CTNNA3: variants seen among roughly 807,000 people sequenced by gnomAD.
CTNNA3 encodes the protein catenin alpha-3.
CTNNA3 carries 76 observed loss-of-function variants against 95.7 expected under a neutral mutation model. That is an observed-to-expected ratio of 0.79 (90% CI 0.66 to 0.96). The LOEUF (loss-of-function observed/expected upper bound fraction) is 0.96, where lower values mean the gene tolerates loss of function less well. Ranked by LOEUF, CTNNA3 falls within the 40% of genes least tolerant of loss-of-function variation. CTNNA3 has a pLI of 0.00. For synonymous variants in CTNNA3, 431 were observed against 374.4 expected (o/e 1.15, Z -1.74); for missense variants, 1,191 against 1,089.8 (o/e 1.09, Z -1.31).
At chr10:66,295,986 A>G (rs1407330983) in intron 12 of CTNNA3, among the ~76,000 whole-genome samples, 1 of 152,226 alleles carries the variant, frequency 6.6e-6, no homozygotes, top group Non-Finnish European at 1.5e-5. Flanking sequence ...TTCTTAATGC[A>G]GGGGATGCAT....
chr10:67,128,089 T>C (rs949034647), intron 7 of CTNNA3, among the ~76,000 whole-genome samples: 11 of 152,128 alleles, frequency 7.2e-5, no homozygotes, highest in African/African-American at 2.4e-4. Context: ...CTATATCTAA[T>C]TAATGTTCAA....
intron 13 of CTNNA3, among the ~76,000 whole-genome samples, chr10:66,121,991 T>G (rs945970530): frequency 6.6e-6 from 1 of 152,294 alleles, no homozygotes; most frequent in African/African-American, 2.4e-5. Flanking sequence ...AAATACTTAA[T>G]CACATAAATG....
intron 5 of CTNNA3, among the ~76,000 whole-genome samples, chr10:67,493,198 G>T (rs910467421): frequency 6.7e-6 from 1 of 148,310 alleles, no homozygotes; most frequent in African/African-American, 2.5e-5. Context: ...GCTTCACCTA[G>T]CTCAACGTGG....
At chr10:66,289,149 G>T (rs562112305) in intron 12 of CTNNA3, among the ~76,000 whole-genome samples, 2 of 151,728 alleles carry the variant, frequency 1.3e-5, no homozygotes, top group African/African-American at 4.8e-5. Flanking sequence ...TAACAAAACT[G>T]TTAATTAATT....
chr10:66,403,731 T>A (rs2093037081), intron 11 of CTNNA3, among the ~76,000 whole-genome samples: 1 of 152,162 alleles, frequency 6.6e-6, no homozygotes, highest in Non-Finnish European at 1.5e-5. Context: ...TACAATCCGC[T>A]TCATTAATAA....
intron 7 of CTNNA3, among the ~76,000 whole-genome samples, chr10:67,037,757 C>A (rs1214601423): frequency 6.6e-6 from 1 of 152,126 alleles, no homozygotes; most frequent in African/African-American, 2.4e-5. Flanking sequence ...TCAAGAATAA[C>A]TCCCAATTTT....
intron 7 of CTNNA3, among the ~76,000 whole-genome samples, chr10:67,128,711 G>T (rs191653070): frequency 3.2e-4 from 49 of 152,174 alleles, no homozygotes; most frequent in Middle Eastern, 6.8e-3. Context: ...TCCAAGTAAT[G>T]CTTGCCCCAG....
intron 9 of CTNNA3, among the ~76,000 whole-genome samples, chr10:66,655,936 A>G (rs562679620): frequency 1.3e-5 from 2 of 152,282 alleles, no homozygotes; most frequent in East Asian, 1.9e-4. Flanking sequence ...AGCAGATTCA[A>G]TATGGAAGAC....
intron 13 of CTNNA3, among the ~76,000 whole-genome samples, chr10:66,220,951 G>C (rs553371496): frequency 7.9e-5 from 12 of 152,194 alleles, no homozygotes; most frequent in Non-Finnish European, 1.6e-4. Flanking sequence ...GGGATGTAAA[G>C]TTCTCACTTT....
intron 10 of CTNNA3, among the ~76,000 whole-genome samples, chr10:66,574,114 G>A (rs898405250): frequency 6.6e-6 from 1 of 152,038 alleles, no homozygotes; most frequent in African/African-American, 2.4e-5. Flanking sequence ...GATGAAATTA[G>A]TATTAATATA....
chr10:66,423,784 G>C (rs888842718), intron 11 of CTNNA3, among the ~76,000 whole-genome samples: 1 of 152,132 alleles, frequency 6.6e-6, no homozygotes, highest in East Asian at 1.9e-4. Flanking sequence ...CACTGAAATC[G>C]GCCAGAAGCC....
chr10:66,297,215 T>A (rs1485097357), intron 12 of CTNNA3, among the ~76,000 whole-genome samples: 1 of 151,994 alleles, frequency 6.6e-6, no homozygotes, highest in Non-Finnish European at 1.5e-5. Flanking sequence ...AAAAATAAAT[T>A]TATTTATTTT....
In CTNNA3 at chr10:65,913,648, A is replaced by G. The variant is rs1294224459; in HGVS notation, c.*6682T>C. 1.3e-5 allele frequency: 2 copies of G among 152,204 alleles called. No homozygotes were observed. Among genetic ancestry groups the G allele is most frequent in the Non-Finnish European group, 2.9e-5 (2 of 68,024 alleles). The allele number at this position is 152,204 out of a possible 1,614,324, so 9.4% of individuals were successfully genotyped here. A position where few individuals can be genotyped will look rare whatever the true frequency, so the allele number is the denominator to read the frequency against. On this transcript the variant is annotated 3_prime_UTR_variant, in exon 18 of 18. Coordinates refer to ENST00000433211, the MANE Select transcript of CTNNA3 (RefSeq NM_013266.4). The stretch of plus-strand genomic sequence containing the variant: ...TGGCAAGCAATGGAACATGATTTTT[A>G]TAGTAGTTTAAAATTAATTTTATGT...
intron 9 of CTNNA3, among the ~76,000 whole-genome samples, chr10:66,687,841 C>A (rs1847358086): frequency 6.6e-6 from 1 of 151,726 alleles, no homozygotes; most frequent in African/African-American, 2.4e-5. Context: ...ATAATATTTT[C>A]TTTTGGGAGG....
chr10:66,465,387 C>T (rs1214939549), intron 11 of CTNNA3, among the ~76,000 whole-genome samples: 1 of 152,016 alleles, frequency 6.6e-6, no homozygotes, highest in Non-Finnish European at 1.5e-5. Flanking sequence ...TTTGATGTGA[C>T]AAAATACATT....
rs557277865 is a variant in CTNNA3 at position 66,001,056 on chromosome 10, C to T, written c.2160-12259G>A. 2.1e-3 allele frequency among the ~76,000 whole-genome samples: 313 copies of T among 151,948 alleles called. 3 individuals carry two copies. Among genetic ancestry groups the T allele is most frequent in the Admixed American group, 4.2e-3 (64 of 15,258 alleles). ...TATAGGTGATGGGTAGTTGGGAGGC[C>T]CACCAACAGTGACTTCATCACACAT... On this transcript the variant is annotated intron_variant, in intron 15 of 17. Transcript: ENST00000433211.
At chr10:66,310,564 T>A (rs556224226) in intron 12 of CTNNA3, among the ~76,000 whole-genome samples, 1 of 109,630 alleles carries the variant, frequency 9.1e-6, no homozygotes, top group Admixed American at 9.4e-5. Flanking sequence ...AAATTCAGTT[T>A]CTAGAATGTT....
chr10:66,092,523 T>C (rs955501319), intron 14 of CTNNA3, among the ~76,000 whole-genome samples: 1 of 151,988 alleles, frequency 6.6e-6, no homozygotes, highest in East Asian at 1.9e-4. Context: ...TCAGAACTTC[T>C]CTGCTTGCTA....
At chr10:66,071,156 T>A (rs1589324769) in intron 14 of CTNNA3, among the ~76,000 whole-genome samples, 2 of 152,176 alleles carry the variant, frequency 1.3e-5, no homozygotes, top group Non-Finnish European at 2.9e-5. Context: ...TTTATTGAAT[T>A]ATTTTGTTCA....
Sources: allele counts gnomAD v4.1 joint callset (sites outside exome capture counted in the v4.1 genomes callset), GRCh38; gene constraint gnomAD v4.1.1; transcripts MANE v1.5; gene names NCBI Gene and HGNC (gene_info 2026-07-23, HGNC 2026-07-21).